The following CAP1 variants were observed in gnomAD, a reference collection of about 807,000 sequenced individuals.
CAP1 encodes the protein cyclase associated actin cytoskeleton regulatory protein 1.
In CAP1, 11 loss-of-function variants were observed where a neutral mutation model predicts 58.2. The observed-to-expected ratio is 0.19, with a 90% CI of 0.12 to 0.31. CAP1 has a LOEUF of 0.31. Ranked by LOEUF, CAP1 falls within the 10% of genes least tolerant of loss-of-function variation. The pLI, the probability that CAP1 is intolerant of heterozygous loss-of-function variation, is 1.00. For synonymous variants in CAP1, 183 were observed against 213.8 expected (o/e 0.86, Z 1.26); for missense variants, 423 against 587.5 (o/e 0.72, Z 2.89).
intron 1 of CAP1, among the ~76,000 whole-genome samples, chr1:40,045,424 A>G (rs1359208623): frequency 6.6e-6 from 1 of 152,216 alleles, no homozygotes; most frequent in African/African-American, 2.4e-5. Flanking sequence ...TGTTCCTTCA[A>G]GGAATTTCTG....
intron 1 of CAP1, among the ~76,000 whole-genome samples, chr1:40,049,674 T>C (rs4366310): frequency 0.14 from 21,578 of 152,142 alleles, 1,836 homozygotes; most frequent in African/African-American, 0.24. Context: ...GATTCTTTCC[T>C]AGGCTTTATT....
intron 3 of CAP1, 114 bp from the exon 4 acceptor site, chr1:40,061,621 C>G: frequency 1.2e-6 from 1 of 824,544 alleles, no homozygotes; most frequent in Non-Finnish European, 2.1e-6. Context: ...AGGAGGATAA[C>G]ATGAAGTGCC....
upstream of CAP1, chr1:40,040,504 G>C (rs1645762214): frequency 6.6e-6 from 1 of 152,292 alleles, no homozygotes; most frequent in Admixed American, 6.5e-5. Flanking sequence ...CCTCTCTTGT[G>C]AGCCCGCCCT....
chr1:40,052,596 G>T (rs1375419959), intron 1 of CAP1, among the ~76,000 whole-genome samples: 1 of 152,096 alleles, frequency 6.6e-6, no homozygotes, highest in Non-Finnish European at 1.5e-5. Flanking sequence ...ATTTTGCTAT[G>T]TTGCCCAGGC....
At chr1:40,053,453 C>T (rs1262919322) in intron 1 of CAP1, among the ~76,000 whole-genome samples, 3 of 151,902 alleles carry the variant, frequency 2.0e-5, no homozygotes, top group East Asian at 1.9e-4. Flanking sequence ...TGACCTCTGG[C>T]AAGTTTTTTT....
rs866715795 is a variant in CAP1 at position 40,067,808 on chromosome 1, G to C, written c.808+91G>C. On this transcript the variant is annotated intron_variant, in intron 8 of 12. Transcript: ENST00000372805. ...GAACCGTCTGTAAACTACAACCCTG[G>C]CTTGTGTGGTGGAGACTCGTTTGGT... 7.7e-5 allele frequency: 72 copies of C among 934,796 alleles called. 1 individual carries two copies. The South Asian group carries it at 1.0e-3, about 13-fold the overall frequency. 57.9% of individuals were successfully genotyped at this position (934,796 alleles called of 1,614,324 possible).
chr1:40,047,897 G>T (rs1478751434), intron 1 of CAP1, among the ~76,000 whole-genome samples: 1 of 152,156 alleles, frequency 6.6e-6, no homozygotes. Context: ...TGTTGGGTTG[G>T]ATTCCTTCCC....
At chr1:40,049,273 C>T (rs779498591) in intron 1 of CAP1, among the ~76,000 whole-genome samples, 4 of 143,180 alleles carry the variant, frequency 2.8e-5, no homozygotes, top group East Asian at 2.1e-4. Flanking sequence ...TGCAAACCTC[C>T]GCCTCCTGGA....
At chr1:40,070,066 T>C in intron 9 of CAP1, 93 bp from the exon 10 acceptor site, 1 of 1,559,006 alleles carries the variant, frequency 6.4e-7, no homozygotes, top group East Asian at 2.2e-5. Context: ...GAGTTCTGGC[T>C]TCAATTGCAA....
At chr1:40,069,980 G>A in intron 9 of CAP1, 106 bp downstream of exon 9, 1 of 1,405,420 alleles carries the variant, frequency 7.1e-7, no homozygotes, top group Non-Finnish European at 9.6e-7. Context: ...CGCGATTTCG[G>A]CTTACCGCAA....
In CAP1 at chr1:40,060,089, G is replaced by C. The variant is rs764478563; in HGVS notation, c.135G>C (p.Gln45His). 106 of 1,613,410 alleles carry C rather than the reference G, an allele frequency of 6.6e-5. No individual in the cohort carries two copies. Among genetic ancestry groups the C allele is most frequent in the Non-Finnish European group, 9.0e-5 (106 of 1,179,752 alleles). ...TAGCAGGAGCAGCTCCATATGTGCA[G>C]GCATTTGACTCGCTGCTTGCTGGTC... Reference protein sequence around the residue: ...PSKAGAAPYVQAFDSLLAGPV... With the variant: ...PSKAGAAPYVHAFDSLLAGPV... The change falls in exon 3 of 13, where the codon CAG (glutamine) becomes CAC (histidine). Residue 45 changes from glutamine (Q) to histidine (H), a missense_variant. Gln to His is a conservative substitution (Grantham distance 24). Transcript: ENST00000372805.
chr1:40,040,517 C>G (rs956389264), upstream of CAP1: 3 of 152,380 alleles, frequency 2.0e-5, no homozygotes, highest in African/African-American at 7.2e-5. Context: ...CCCGCCCTCC[C>G]CGTGTCGCTC....
At chr1:40,061,369 T>G (rs1209141355) in intron 3 of CAP1, among the ~76,000 whole-genome samples, 1 of 152,234 alleles carries the variant, frequency 6.6e-6, no homozygotes, top group Non-Finnish European at 1.5e-5. Context: ...GTCTCCAATT[T>G]TTGAGAAAAG....
At chr1:40,066,392 T>TA in intron 7 of CAP1, 72 bp downstream of exon 7, 1 of 801,694 alleles carries the variant, frequency 1.2e-6, no homozygotes, top group Non-Finnish European at 2.2e-6. Context: ...ACAGGTTTCT[T>TA]AGACTTCAGC....
At chr1:40,041,452 C>T (rs1348721193) in intron 1 of CAP1, 2 of 152,182 alleles carry the variant, frequency 1.3e-5, no homozygotes, top group South Asian at 2.1e-4. Context: ...CTTTCCTCCT[C>T]GGCTGCTGCT....
At chr1:40,051,152 G>A (rs1646349223) in intron 1 of CAP1, among the ~76,000 whole-genome samples, 1 of 152,174 alleles carries the variant, frequency 6.6e-6, no homozygotes, top group African/African-American at 2.4e-5. Context: ...AGTAATTTAT[G>A]TAATTCAGAA....
intron 1 of CAP1, among the ~76,000 whole-genome samples, chr1:40,043,183 T>C (rs1392698056): frequency 6.6e-6 from 1 of 152,132 alleles, no homozygotes; most frequent in East Asian, 1.9e-4. Flanking sequence ...GTCGGCCAAG[T>C]TGTGAAGGGC....
intron 1 of CAP1, among the ~76,000 whole-genome samples, chr1:40,055,517 C>G (rs1646574438): frequency 6.6e-6 from 1 of 150,736 alleles, no homozygotes. Context: ...TCTTGATATC[C>G]TTTTTTTTTG....
rs544105739 is a variant in CAP1, at chr1:40,056,110, A to ATC, written c.-10-3221_-10-3220dup. 1.8e-4 allele frequency among the ~76,000 whole-genome samples: 28 copies of ATC among 152,276 alleles called. No individual in the cohort carries two copies. The East Asian group carries it at 5.2e-3, about 28-fold the overall frequency. Reference sequence around the variant, plus strand: ...CTGCATATTGTTATTCAAACCTCCAATCTCTCTGATTTCTCTAAAGAACAC... The same window carrying ATC: ...CTGCATATTGTTATTCAAACCTCCAATCTCTCTCTGATTTCTCTAAAGAACAC... On this transcript the variant is annotated intron_variant, in intron 1 of 12. Coordinates refer to ENST00000372805, the MANE Select transcript of CAP1 (RefSeq NM_006367.4).
Sources: gnomAD v4.1 joint callset for allele counts (sites outside exome capture counted in the v4.1 genomes callset) on GRCh38, gnomAD v4.1.1 for gene constraint, MANE v1.5 for transcripts, NCBI Gene and HGNC (gene_info 2026-07-23, HGNC 2026-07-21) for gene names.